The following PDS5B variants were observed in gnomAD, a reference collection of about 807,000 sequenced individuals.
PDS5B encodes sister chromatid cohesion protein PDS5 homolog B.
PDS5B carries 51 observed loss-of-function variants against 184.1 expected under a neutral mutation model. That is an observed-to-expected ratio of 0.28 (90% confidence interval 0.22 to 0.35). PDS5B has a LOEUF of 0.35. Among genes scored for constraint, PDS5B ranks in the 10% least tolerant of loss-of-function variants. The pLI, the probability that PDS5B is intolerant of heterozygous loss-of-function variation, is 1.00. For synonymous variants in PDS5B, 566 were observed against 569.2 expected (o/e 0.99, Z 0.08); for missense variants, 1,180 against 1,723.3 (o/e 0.68, Z 5.58).
chr13:32,777,909 T>C lies in PDS5B; in HGVS notation c.*2857T>C, dbSNP rs1955000505. The C allele has an allele frequency of 1.3e-5, 2 of 152,604 alleles. No individual in the cohort carries two copies. The highest frequency in any genetic ancestry group is 4.1e-4 in the South Asian group (2 of 4,826). 9.5% of individuals were successfully genotyped at this position (152,604 alleles called of 1,614,324 possible). A position where few individuals can be genotyped will look rare whatever the true frequency, so the allele number is the denominator to read the frequency against. The stretch of plus-strand genomic sequence containing the variant: ...AATTTGTTTAAATTAGGCATATCTC[T>C]GCCATCACATAGTATTATGTCACCA... On this transcript the variant is annotated 3_prime_UTR_variant, in exon 35 of 35. Transcript: ENST00000315596.
intron 21 of PDS5B, 101 bp downstream of exon 21, chr13:32,735,431 G>A (rs976806481): frequency 1.2e-5 from 9 of 728,814 alleles, no homozygotes; most frequent in Non-Finnish European, 1.5e-5. Context: ...ACTTCCATTT[G>A]ACTGCCTTGA....
chr13:32,720,016 T>C (rs1257290568), intron 19 of PDS5B, among the ~76,000 whole-genome samples: 1 of 152,226 alleles, frequency 6.6e-6, no homozygotes, highest in Non-Finnish European at 1.5e-5. Context: ...GGGGCTGGTC[T>C]CTGTCTCCTG....
At chr13:32,739,067 C>G (rs1953445093) in intron 21 of PDS5B, among the ~76,000 whole-genome samples, 1 of 152,150 alleles carries the variant, frequency 6.6e-6, no homozygotes. Context: ...TCTTTTCCTA[C>G]TCTAATGTCA....
chr13:32,627,526 G>C (rs2058388059), intron 1 of PDS5B, among the ~76,000 whole-genome samples: 2 of 151,842 alleles, frequency 1.3e-5, no homozygotes, highest in African/African-American at 4.8e-5. Flanking sequence ...GTTTGCAAGG[G>C]GGTTGAAAAG....
At chr13:32,690,948 C>A (rs1360412174) in intron 13 of PDS5B, 2 of 151,990 alleles carry the variant, frequency 1.3e-5, no homozygotes, top group African/African-American at 4.8e-5. Context: ...ATTATACTTA[C>A]CAGTATTTTA....
chr13:32,737,250 C>G (rs368644230), intron 21 of PDS5B, among the ~76,000 whole-genome samples: 26 of 152,280 alleles, frequency 1.7e-4, no homozygotes, highest in African/African-American at 5.5e-4. Flanking sequence ...CGTCAGATCA[C>G]TTCCATCCAA....
At chr13:32,688,880 G>T in intron 13 of PDS5B, 1 of 309,068 alleles carries the variant, frequency 3.2e-6, no homozygotes, top group Admixed American at 4.8e-5. Flanking sequence ...TTTTCCTTAA[G>T]GCATTAGAAA....
chr13:32,715,816 G>A (rs543746066), intron 19 of PDS5B, among the ~76,000 whole-genome samples: 4 of 150,012 alleles, frequency 2.7e-5, no homozygotes, highest in African/African-American at 7.4e-5. Flanking sequence ...GCGCCGCCAC[G>A]CCTGACTGGT....
chr13:32,667,962 T>G (rs1197473681), intron 7 of PDS5B, 118 bp downstream of exon 7: 2 of 506,388 alleles, frequency 3.9e-6, no homozygotes, highest in Non-Finnish European at 7.0e-6. Flanking sequence ...TGTGTTGTTT[T>G]AACCCTTAAG....
chr13:32,693,362 C>A (rs1951608339), intron 13 of PDS5B, among the ~76,000 whole-genome samples: 1 of 151,884 alleles, frequency 6.6e-6, no homozygotes, highest in African/African-American at 2.4e-5. Context: ...CAAATTTGAA[C>A]TGGTTTATCT....
intron 26 of PDS5B, among the ~76,000 whole-genome samples, 153 bp downstream of exon 26, chr13:32,756,109 C>G (rs1038261358): frequency 2.0e-5 from 3 of 151,942 alleles, no homozygotes; most frequent in Non-Finnish European, 2.9e-5. Context: ...TTTCTTTTTT[C>G]ATACCATCTC....
intron 24 of PDS5B, among the ~76,000 whole-genome samples, chr13:32,750,514 C>G (rs1953935851): frequency 6.6e-6 from 1 of 152,064 alleles, no homozygotes; most frequent in African/African-American, 2.4e-5. Flanking sequence ...AACTAGACTG[C>G]TTCTTCCCCT....
chr13:32,735,035 T>C (rs576787830), intron 20 of PDS5B, 137 bp from the exon 21 acceptor site: 77 of 507,720 alleles, frequency 1.5e-4, no homozygotes, highest in Non-Finnish European at 9.6e-5. Context: ...GTATATTTAT[T>C]GAAATTTTTG....
At chr13:32,697,376 C>T (rs1358627834) in intron 15 of PDS5B, among the ~76,000 whole-genome samples, 2 of 152,108 alleles carry the variant, frequency 1.3e-5, no homozygotes, top group Non-Finnish European at 2.9e-5. Context: ...ATTTGCTTTT[C>T]CTCCCACCTC....
chr13:32,682,790 T>A (rs955733932), intron 10 of PDS5B, among the ~76,000 whole-genome samples: 4 of 152,236 alleles, frequency 2.6e-5, no homozygotes, highest in African/African-American at 9.6e-5. Flanking sequence ...GTTTTCAGTC[T>A]TTTTGTTTTT....
intron 1 of PDS5B, among the ~76,000 whole-genome samples, chr13:32,587,790 G>GC (rs1478017749): frequency 6.6e-6 from 1 of 152,236 alleles, no homozygotes; most frequent in Non-Finnish European, 1.5e-5. Context: ...TGATGGATGG[G>GC]CAGTGGTGCC....
intron 6 of PDS5B, 142 bp from the exon 7 acceptor site, chr13:32,667,622 A>G (rs1373936420): frequency 5.3e-6 from 3 of 563,214 alleles, no homozygotes; most frequent in Non-Finnish European, 9.3e-6. Flanking sequence ...TAAAAAAAGA[A>G]AAGTGGTTTT....
At chr13:32,706,895 G>C in intron 17 of PDS5B, 39 bp from the exon 18 acceptor site, 1 of 1,275,104 alleles carries the variant, frequency 7.8e-7, no homozygotes, top group Non-Finnish European at 1.1e-6. Context: ...GACATTGCTA[G>C]TAACATTTGA....
At chr13:32,687,337 G>T in intron 12 of PDS5B, 52 bp downstream of exon 12, 1 of 1,333,840 alleles carries the variant, frequency 7.5e-7, no homozygotes, top group South Asian at 1.4e-5. Flanking sequence ...TATATAACTT[G>T]ATTTATTGTT....
Sources: allele counts gnomAD v4.1 joint callset (sites outside exome capture counted in the v4.1 genomes callset), GRCh38; gene constraint gnomAD v4.1.1; transcripts MANE v1.5; gene names NCBI Gene and HGNC (gene_info 2026-07-23, HGNC 2026-07-21).